The following FRMPD4 variants were observed in gnomAD, a reference collection of about 807,000 sequenced individuals.
FRMPD4 encodes FERM and PDZ domain-containing protein 4.
A neutral mutation model predicts 94.1 loss-of-function variants in FRMPD4; 22 were observed. The ratio of observed to expected loss-of-function variants is 0.23; its 90% CI spans 0.17 to 0.33. FRMPD4 has a LOEUF of 0.33. FRMPD4 is among the 10% of genes least tolerant of loss of function. The pLI is 1.00. For missense variants in FRMPD4, 1,111 were observed against 1,339.9 expected (o/e 0.83, Z 2.67); for synonymous variants, 631 against 548.6 (o/e 1.15, Z -2.10).
intron 1 of FRMPD4, among the ~76,000 whole-genome samples, chrX:12,347,689 T>C (rs1000599001): frequency 8.9e-6 from 1 of 111,805 alleles, no homozygotes; most frequent in Admixed American, 9.5e-5. Context: ...TTCTAATTAT[T>C]TCATAGAAGT....
chrX:12,596,321 T>G (rs1373133192), intron 2 of FRMPD4, among the ~76,000 whole-genome samples: 7 of 111,815 alleles, frequency 6.3e-5, no homozygotes, highest in Non-Finnish European at 1.3e-4. Flanking sequence ...TGAAATACTT[T>G]TAAGCAAATA....
At chrX:12,420,502 G>A (rs757036987) in intron 1 of FRMPD4, among the ~76,000 whole-genome samples, 4 of 111,568 alleles carry the variant, frequency 3.6e-5, no homozygotes, top group Non-Finnish European at 7.5e-5. Flanking sequence ...CTCATCACCT[G>A]CCCTCCCTCG....
At position 12,199,173 on chromosome X, in the gene FRMPD4, C is replaced by A. The variant is rs185052389; in HGVS notation, c.41+60161C>A. ...TTTGGTTGAACTAGCTTATTCCAAG[C>A]CAAGTTTTTCACTAACATTTCTTTA... On this transcript the variant is annotated intron_variant, in intron 1 of 16. Transcript: ENST00000675598. Among the ~76,000 whole-genome samples the A allele has an allele frequency of 1.3e-3, 141 of 109,638 alleles. 1 individual carries two copies. Among genetic ancestry groups the A allele is most frequent in the African/African-American group, 4.3e-3 (130 of 30,104 alleles).
intron 3 of FRMPD4, among the ~76,000 whole-genome samples, chrX:11,977,749 T>A (rs1404539688): frequency 1.8e-5 from 2 of 111,453 alleles, no homozygotes; most frequent in African/African-American, 6.5e-5. Context: ...TTCCAGGCTA[T>A]AGGTAGATTT....
At chrX:12,361,042 C>T (rs1337675650) in intron 1 of FRMPD4, among the ~76,000 whole-genome samples, 3 of 109,818 alleles carry the variant, frequency 2.7e-5, no homozygotes, top group Non-Finnish European at 5.7e-5. Flanking sequence ...TCACAGAAGT[C>T]ACCCAATTTT....
chrX:12,455,590 A>G (rs778539746), intron 1 of FRMPD4, among the ~76,000 whole-genome samples: 2 of 112,094 alleles, frequency 1.8e-5, no homozygotes, highest in African/African-American at 6.5e-5. Flanking sequence ...GCAATTGTTG[A>G]GAGTCCAGGT....
intron 1 of FRMPD4, among the ~76,000 whole-genome samples, chrX:12,201,994 CT>C (rs201179523): frequency 0.2 from 20,686 of 101,700 alleles, 1,594 homozygotes; most frequent in South Asian, 0.28. Context: ...GCTTTTTCTT[CT>C]TTTTTTTTTT....
At chrX:11,830,407 A>AT (rs1380697795) in intron 1 of FRMPD4, among the ~76,000 whole-genome samples, 5 of 110,869 alleles carry the variant, frequency 4.5e-5, no homozygotes, top group African/African-American at 6.5e-5. Flanking sequence ...ATATTTCATG[A>AT]TTTTTTTTCA....
At chrX:12,548,082 AC>A (rs1435657090) in intron 2 of FRMPD4, among the ~76,000 whole-genome samples, 1 of 112,196 alleles carries the variant, frequency 8.9e-6, no homozygotes, top group African/African-American at 3.2e-5. Context: ...AAAAATGTAA[AC>A]CTTAACTTTT....
Position 12,579,704 on chromosome X carries a change from G to A in FRMPD4, c.159-30017G>A, listed in dbSNP as rs182211779. Among the ~76,000 whole-genome samples, 3 of 112,243 alleles carry A rather than the reference G, an allele frequency of 2.7e-5. No individual in the cohort carries two copies. The East Asian group carries it at 8.4e-4, about 31-fold the overall frequency. ...TGATTCATCAGAAGCTGATTATTGA[G>A]TTAGTACCTTTTCTGAATTCTTCCT... On this transcript the variant is annotated intron_variant, in intron 2 of 16. Transcript: ENST00000675598.
At chrX:12,436,828 T>G (rs61124170) in intron 1 of FRMPD4, among the ~76,000 whole-genome samples, 14,618 of 110,909 alleles carry the variant, frequency 0.13, 1,291 homozygotes, top group African/African-American at 0.31. Flanking sequence ...CCTTAAATAT[T>G]TGTCATTTCT....
chrX:12,162,188 G>T (rs1006829127), intron 1 of FRMPD4, among the ~76,000 whole-genome samples: 1 of 112,119 alleles, frequency 8.9e-6, no homozygotes, highest in African/African-American at 3.2e-5. Flanking sequence ...ATTGTTGGAG[G>T]GTCTGATTAA....
intron 1 of FRMPD4, among the ~76,000 whole-genome samples, chrX:12,448,315 T>C (rs1452781620): frequency 1.8e-5 from 2 of 112,276 alleles, no homozygotes; most frequent in African/African-American, 3.2e-5. Context: ...AAAATTCATG[T>C]TATCGGACAA....
chrX:12,016,476 C>T (rs955528153), intron 3 of FRMPD4, among the ~76,000 whole-genome samples: 4 of 111,653 alleles, frequency 3.6e-5, no homozygotes, highest in Admixed American at 9.5e-5. Flanking sequence ...TGTGTTTCTC[C>T]GGAAAAGCTT....
intron 3 of FRMPD4, among the ~76,000 whole-genome samples, chrX:12,087,724 C>T (rs927098359): frequency 6.3e-5 from 7 of 111,753 alleles, no homozygotes; most frequent in African/African-American, 2.3e-4. Context: ...TTCTTTCTTC[C>T]CCCCAAAGCA....
chrX:12,626,685 C>T (rs7051764), intron 4 of FRMPD4, among the ~76,000 whole-genome samples: 2,313 of 102,738 alleles, frequency 0.023, 68 homozygotes, highest in African/African-American at 0.077. Context: ...TATCCCAGGA[C>T]TGCTAAGCAG....
At chrX:12,653,525 G>A (rs908037528) in intron 4 of FRMPD4, among the ~76,000 whole-genome samples, 10 of 111,575 alleles carry the variant, frequency 9.0e-5, no homozygotes, top group African/African-American at 3.3e-4. Flanking sequence ...AAAAGACAGG[G>A]GTATTCAGGG....
intron 5 of FRMPD4, among the ~76,000 whole-genome samples, chrX:12,683,109 G>T (rs940242499): frequency 8.9e-6 from 1 of 111,955 alleles, no homozygotes; most frequent in Non-Finnish European, 1.9e-5. Flanking sequence ...GATGATTAAT[G>T]ATCAATTCAT....
At chrX:11,906,675 T>C (rs913811774) in intron 3 of FRMPD4, among the ~76,000 whole-genome samples, 2 of 111,436 alleles carry the variant, frequency 1.8e-5, no homozygotes, top group Non-Finnish European at 3.8e-5. Flanking sequence ...ACAGTCCAAC[T>C]ATGGTGTTTT....
Sources: allele counts gnomAD v4.1 joint callset (sites outside exome capture counted in the v4.1 genomes callset), GRCh38; gene constraint gnomAD v4.1.1; transcripts MANE v1.5; gene names NCBI Gene and HGNC (gene_info 2026-07-23, HGNC 2026-07-21).